Variants in VPS13A observed in about 807,000 individuals in gnomAD.
VPS13A encodes vacuolar protein sorting 13 homolog A.
A neutral mutation model predicts 390.9 loss-of-function variants in VPS13A; 264 were observed. That is an observed-to-expected ratio of 0.68 (90% CI 0.61 to 0.75). The LOEUF (loss-of-function observed/expected upper bound fraction) is 0.75, where lower values mean the gene tolerates loss of function less well. VPS13A is among the 30% of genes least tolerant of loss of function. The pLI is 0.00. For missense variants in VPS13A, 3,409 were observed against 3,733.9 expected, an observed-to-expected ratio of 0.91 and a Z score of 2.27; for synonymous variants, 1,231 against 1,227.1, an observed-to-expected ratio of 1.00 and a Z score of -0.07.
At chr9:77,291,864 C>G (rs1827686846) in intron 31 of VPS13A, among the ~76,000 whole-genome samples, 1 of 152,194 alleles carries the variant, frequency 6.6e-6, no homozygotes, top group South Asian at 2.1e-4. Flanking sequence ...CTCATGGCAT[C>G]TGATTGATAT....
intron 52 of VPS13A, among the ~76,000 whole-genome samples, chr9:77,349,298 TTTTC>T (rs1831328540): frequency 6.6e-6 from 1 of 152,216 alleles, no homozygotes; most frequent in Non-Finnish European, 1.5e-5. Flanking sequence ...CACAATTTTT[TTTTC>T]TTTCTAACTT....
chr9:77,242,961 A>G (rs1017555657), intron 19 of VPS13A, among the ~76,000 whole-genome samples: 4 of 151,814 alleles, frequency 2.6e-5, no homozygotes, highest in African/African-American at 7.3e-5. Context: ...TAATTCTATG[A>G]AAAAAAATGG....
intron 22 of VPS13A, among the ~76,000 whole-genome samples, chr9:77,255,640 G>A (rs1455569134): frequency 2.6e-5 from 4 of 152,042 alleles, no homozygotes; most frequent in African/African-American, 4.8e-5. Flanking sequence ...CGATCAGATC[G>A]TGGGAGGTTT....
rs139258436 is a variant in VPS13A, at chr9:77,311,737, T to A, written c.4115-2255T>A. On this transcript the variant is annotated intron_variant, in intron 35 of 71. Transcript: ENST00000360280. ...CAGTCAACAAAATTGACATAATTAATGTAATACAATGTTACACTCAGTTGC... is the reference window on the plus strand; with the variant it reads ...CAGTCAACAAAATTGACATAATTAAAGTAATACAATGTTACACTCAGTTGC... Among the ~76,000 whole-genome samples the A allele has an allele frequency of 1.5e-3, 232 of 152,328 alleles. 1 individual carries two copies. The highest frequency in any genetic ancestry group is 5.4e-3 in the African/African-American group (223 of 41,584).
chr9:77,404,201 CA>C (rs1834498676), intron 69 of VPS13A, among the ~76,000 whole-genome samples: 1 of 152,146 alleles, frequency 6.6e-6, no homozygotes, highest in East Asian at 1.9e-4. Flanking sequence ...TTCCAAGAGG[CA>C]GCCCATTTTT....
chr9:77,191,044 C>T (rs1824650324), intron 1 of VPS13A, among the ~76,000 whole-genome samples: 2 of 149,856 alleles, frequency 1.3e-5, no homozygotes, highest in African/African-American at 4.9e-5. Flanking sequence ...TTTTTTTGTT[C>T]AGTTCAACTC....
chr9:77,253,201 T>C (rs1825241195), intron 22 of VPS13A, among the ~76,000 whole-genome samples: 1 of 152,262 alleles, frequency 6.6e-6, no homozygotes, highest in Admixed American at 6.5e-5. Flanking sequence ...ATTTTTCTAA[T>C]GCTTAGTGAT....
At chr9:77,331,280 T>A (rs1403451105) in intron 45 of VPS13A, among the ~76,000 whole-genome samples, 2 of 152,116 alleles carry the variant, frequency 1.3e-5, no homozygotes. Flanking sequence ...TCATTTTTAC[T>A]AAGTTTTTGC....
chr9:77,339,969 T>G, intron 48 of VPS13A, 58 bp downstream of exon 48: 1 of 1,574,890 alleles, frequency 6.3e-7, no homozygotes, highest in Non-Finnish European at 8.6e-7. Flanking sequence ...CTTTTTAGTT[T>G]TTAAAGTTCT....
At chr9:77,267,749 T>A (rs903194332) in intron 23 of VPS13A, among the ~76,000 whole-genome samples, 5 of 152,212 alleles carry the variant, frequency 3.3e-5, no homozygotes, top group Non-Finnish European at 7.3e-5. Flanking sequence ...TGTTTAAGTC[T>A]GCTGAAGCTG....
chr9:77,279,770 G>T, intron 26 of VPS13A: 1 of 194,552 alleles, frequency 5.1e-6, no homozygotes, highest in Non-Finnish European at 1.1e-5. Flanking sequence ...TGAACAGCTG[G>T]GTTTTCAAGG....
intron 46 of VPS13A, among the ~76,000 whole-genome samples, chr9:77,336,903 T>C (rs1316442442): frequency 1.3e-5 from 2 of 150,610 alleles, no homozygotes; most frequent in African/African-American, 4.9e-5. Context: ...TTCTCTCCAT[T>C]CTCCTGCCTC....
chr9:77,372,461 A>G (rs1217107184), intron 67 of VPS13A, among the ~76,000 whole-genome samples: 1 of 151,760 alleles, frequency 6.6e-6, no homozygotes, highest in Non-Finnish European at 1.5e-5. Flanking sequence ...CTCTCAATAA[A>G]TTAGGTATTG....
intron 34 of VPS13A, among the ~76,000 whole-genome samples, chr9:77,305,087 C>T (rs1433122732): frequency 4.6e-5 from 7 of 151,930 alleles, no homozygotes; most frequent in South Asian, 2.1e-4. Context: ...TACAGGCATC[C>T]GCCACCGCGC....
At chr9:77,279,983 T>C (rs1010430243) in intron 26 of VPS13A, 176 bp from the exon 27 acceptor site, 1 of 492,880 alleles carries the variant, frequency 2.0e-6, no homozygotes, top group Admixed American at 3.2e-5. Flanking sequence ...GAGGAGAAAT[T>C]AAATTTTTAG....
chr9:77,356,836 A>G lies in VPS13A; in HGVS notation c.7775A>G (p.Asp2592Gly). The G allele has an allele frequency of 6.2e-7, 1 of 1,613,940 alleles. No individual in the cohort carries two copies. The highest frequency in any genetic ancestry group is 8.5e-7 in the Non-Finnish European group (1 of 1,179,938). The change falls in exon 55 of 72, where the codon GAT (aspartate) becomes GGT (glycine). Residue 2592 changes from aspartate (D) to glycine (G), a missense_variant. Asp to Gly is a moderately conservative substitution (Grantham distance 94). This residue lies in a region of VPS13A where 221 missense variants were observed against 300.7 expected (regional missense o/e 0.73). Coordinates refer to ENST00000360280, the MANE Select transcript of VPS13A (RefSeq NM_033305.3). ...TATACTGAATCTTCTCCTTCAGAAGATAAGGTTATTCAGTTGGACACTAAT... is the reference window on the plus strand; with the variant it reads ...TATACTGAATCTTCTCCTTCAGAAGGTAAGGTTATTCAGTTGGACACTAAT... ...KEYTESSPSE[D>G]KVIQLDTNVP...
chr9:77,390,043 C>A, intron 68 of VPS13A: 1 of 984,676 alleles, frequency 1.0e-6, no homozygotes, highest in Non-Finnish European at 1.2e-6. Context: ...CCCTTTACTT[C>A]AGGAGGAGAA....
intron 45 of VPS13A, among the ~76,000 whole-genome samples, chr9:77,331,387 C>T (rs948543353): frequency 6.6e-6 from 1 of 152,002 alleles, no homozygotes; most frequent in Non-Finnish European, 1.5e-5. Context: ...TATCACCATA[C>T]TTCTGATTTT....
intron 26 of VPS13A, 76 bp downstream of exon 26, chr9:77,276,297 T>G: frequency 7.5e-7 from 1 of 1,326,414 alleles, no homozygotes; most frequent in East Asian, 2.6e-5. Context: ...TTCAATTCTT[T>G]AGGCTCTGAA....
Sources: allele counts gnomAD v4.1 joint callset (sites outside exome capture counted in the v4.1 genomes callset), GRCh38; gene constraint gnomAD v4.1.1; regional missense constraint gnomAD v4.1.1; transcripts MANE v1.5; gene names NCBI Gene and HGNC (gene_info 2026-07-23, HGNC 2026-07-21).